UBE2V2: variants seen among roughly 807,000 people sequenced by gnomAD.
UBE2V2 encodes ubiquitin-conjugating enzyme E2 variant 2.
UBE2V2 carries 9 observed loss-of-function variants against 17.2 expected under a neutral mutation model. That is an observed-to-expected ratio of 0.52 (90% confidence interval 0.32 to 0.91). The LOEUF is 0.91. Ranked by LOEUF, UBE2V2 falls within the 40% of genes least tolerant of loss-of-function variation. UBE2V2 has a pLI of 0.04. For missense variants in UBE2V2, 133 were observed against 182.6 expected (o/e 0.73, Z 1.56); for synonymous variants, 61 against 57.5 (o/e 1.06, Z -0.28).
At chr8:47,998,551 C>A in the UBE2V2 span, among the ~76,000 whole-genome samples, 68 of 151,856 alleles carry the variant, frequency 4.5e-4, no homozygotes, top group African/African-American at 1.6e-3. Flanking sequence ...TTTACTCACC[C>A]TGGCGGAGGC....
intron 1 of UBE2V2, among the ~76,000 whole-genome samples, chr8:48,024,536 G>A (rs1243607271): frequency 3.3e-5 from 5 of 151,876 alleles, no homozygotes; most frequent in African/African-American, 1.2e-4. Context: ...TGGAGGTTGT[G>A]GTGAGCCGAG....
At chr8:48,013,074 T>A (rs747730902) in intron 1 of UBE2V2, among the ~76,000 whole-genome samples, 1 of 152,224 alleles carries the variant, frequency 6.6e-6, no homozygotes, top group Admixed American at 6.6e-5. Flanking sequence ...TTCAAACTCC[T>A]GGCCTCATGA....
chr8:48,003,468 T>C (rs570485464), upstream of UBE2V2, among the ~76,000 whole-genome samples: 4 of 152,060 alleles, frequency 2.6e-5, no homozygotes, highest in Admixed American at 2.6e-4. Context: ...ACAGGGGAGA[T>C]AGCATGAAAA....
chr8:48,020,202 A>T (rs1321585640), intron 1 of UBE2V2, among the ~76,000 whole-genome samples: 1 of 151,884 alleles, frequency 6.6e-6, no homozygotes, highest in Non-Finnish European at 1.5e-5. Flanking sequence ...TGCCTTGCTA[A>T]TTTTTTATAT....
At chr8:48,047,563 AT>A (rs1179681283) in intron 2 of UBE2V2, among the ~76,000 whole-genome samples, 128 of 145,270 alleles carry the variant, frequency 8.8e-4, no homozygotes, top group Middle Eastern at 3.5e-3. Context: ...GTTAATTAAA[AT>A]TTTTTTTTTT....
upstream of UBE2V2, among the ~76,000 whole-genome samples, chr8:48,003,497 C>G (rs1332536093): frequency 2.6e-5 from 4 of 152,050 alleles, no homozygotes; most frequent in Non-Finnish European, 4.4e-5. Flanking sequence ...CAACAATGTT[C>G]CCAGGGCGCA....
the UBE2V2 span, among the ~76,000 whole-genome samples, chr8:48,001,782 A>G: frequency 6.6e-6 from 1 of 152,208 alleles, no homozygotes; most frequent in South Asian, 2.1e-4. Flanking sequence ...AAGAAAGCAA[A>G]TAACCTGATT....
Position 48,043,156 on chromosome 8 carries a change from C to T in UBE2V2, c.140C>T (p.Thr47Ile). 1 of 1,567,612 alleles carries T rather than the reference C, an allele frequency of 6.4e-7. No homozygotes were observed. Among genetic ancestry groups the T allele is most frequent in the Non-Finnish European group, 8.7e-7 (1 of 1,154,394 alleles). Residue 47 changes from threonine (T) to isoleucine (I), a missense_variant, in exon 2 of 4, where the codon ACA (threonine) becomes ATA (isoleucine). Thr to Ile is a moderately conservative substitution (Grantham distance 89). Around this residue, in one of 3 missense-constraint regions of UBE2V2, gnomAD observed 92 missense variants for 124.3 expected, o/e 0.74. Coordinates refer to ENST00000523111, the MANE Select transcript of UBE2V2 (RefSeq NM_003350.3). ...GAAGATATGACACTTACAAGGTGGA[C>T]AGGCATGATTATTGGGCCACCAAGG... ...DDEDMTLTRW[T>I]GMIIGPPRTN...
chr8:48,023,387 T>C (rs988168592), intron 1 of UBE2V2, among the ~76,000 whole-genome samples: 3 of 151,958 alleles, frequency 2.0e-5, no homozygotes, highest in African/African-American at 7.2e-5. Flanking sequence ...AGCTGATTTT[T>C]GTATTTTTAG....
the UBE2V2 span, among the ~76,000 whole-genome samples, chr8:48,003,155 A>G: frequency 6.6e-6 from 1 of 151,240 alleles, no homozygotes; most frequent in Non-Finnish European, 1.5e-5. Flanking sequence ...GGTTGCAGTG[A>G]GCCAAGATTG....
chr8:48,019,641 C>T (rs950058413), intron 1 of UBE2V2, among the ~76,000 whole-genome samples: 3 of 151,410 alleles, frequency 2.0e-5, no homozygotes, highest in African/African-American at 7.3e-5. Flanking sequence ...ATGGTGAAAC[C>T]CCGTCTCTAC....
chr8:48,023,879 AAAAC>A (rs1463912831), intron 1 of UBE2V2, among the ~76,000 whole-genome samples: 2 of 152,118 alleles, frequency 1.3e-5, no homozygotes. Flanking sequence ...CTGTCTCAAA[AAAAC>A]AAACAAAAAA....
At chr8:48,010,653 A>G (rs1194379129) in intron 1 of UBE2V2, among the ~76,000 whole-genome samples, 2 of 149,034 alleles carry the variant, frequency 1.3e-5, no homozygotes, top group Non-Finnish European at 3.0e-5. Flanking sequence ...CGGCCTCCCA[A>G]ATTGCTGGGA....
upstream of UBE2V2, among the ~76,000 whole-genome samples, chr8:48,008,067 G>A (rs1257706549): frequency 2.0e-5 from 3 of 151,924 alleles, no homozygotes; most frequent in East Asian, 1.9e-4. Context: ...GATTACAGGC[G>A]CGCGCCACCA....
chr8:48,021,207 A>G (rs1319399059), intron 1 of UBE2V2, among the ~76,000 whole-genome samples: 1 of 147,788 alleles, frequency 6.8e-6, no homozygotes, highest in Non-Finnish European at 1.5e-5. Context: ...CCTCCTTAGT[A>G]GTTGGGCTTA....
At chr8:48,029,706 A>G (rs931739864) in intron 1 of UBE2V2, among the ~76,000 whole-genome samples, 3 of 152,206 alleles carry the variant, frequency 2.0e-5, no homozygotes, top group Admixed American at 2.0e-4. Context: ...GTTGTTTACT[A>G]AACAGTACTG....
In UBE2V2 at chr8:48,016,488, CT is replaced by C. The variant is rs567444968; in HGVS notation, c.16+8029del. 4.4e-4 allele frequency among the ~76,000 whole-genome samples: 65 copies of C among 146,452 alleles called. 1 individual carries two copies. The highest frequency in any genetic ancestry group is 2.5e-3 in the Admixed American group (36 of 14,574). On this transcript the variant is annotated intron_variant, in intron 1 of 3. Coordinates refer to ENST00000523111, the MANE Select transcript of UBE2V2 (RefSeq NM_003350.3). The stretch of plus-strand genomic sequence containing the variant: ...CTCACCAACACTTGTTATCTGTCAT[CT>C]TTTTTTTTTTGAGACGGAGTTTGGC...
intron 1 of UBE2V2, among the ~76,000 whole-genome samples, chr8:48,012,269 T>C (rs1298345848): frequency 1.3e-5 from 2 of 152,170 alleles, no homozygotes; most frequent in African/African-American, 4.8e-5. Context: ...GGTTCTCCTT[T>C]TCCAAGAGAC....
chr8:48,029,165 A>G lies in UBE2V2; in HGVS notation c.17-13868A>G, dbSNP rs528037718. ...CAACGTACCGAGATCCTGTCTCTACAAAAAAATAAAAAAATTAGCTGGGCA... is the reference window on the plus strand; with the variant it reads ...CAACGTACCGAGATCCTGTCTCTACGAAAAAATAAAAAAATTAGCTGGGCA... On this transcript the variant is annotated intron_variant, in intron 1 of 3. Transcript: ENST00000523111. Among the ~76,000 whole-genome samples the G allele has an allele frequency of 1.6e-4, 25 of 152,058 alleles. No individual in the cohort carries two copies. In the East Asian group the frequency reaches 4.8e-3, roughly 29 times the overall value.
Sources: allele counts gnomAD v4.1 joint callset (sites outside exome capture counted in the v4.1 genomes callset), GRCh38; gene constraint gnomAD v4.1.1; regional missense constraint gnomAD v4.1.1; transcripts MANE v1.5; gene names NCBI Gene and HGNC (gene_info 2026-07-23, HGNC 2026-07-21).